RAB33A: variants seen among roughly 807,000 people sequenced by gnomAD.
RAB33A encodes the protein RAB33A, member RAS oncogene family.
In RAB33A, 6 loss-of-function variants were observed where a neutral mutation model predicts 12.0. The ratio of observed to expected loss-of-function variants is 0.50; its 90% CI spans 0.27 to 0.99. RAB33A has a LOEUF of 0.99. Among genes scored for constraint, RAB33A ranks in the 50% least tolerant of loss-of-function variants. RAB33A has a pLI of 0.11. For synonymous variants in RAB33A, 70 were observed against 82.4 expected, an observed-to-expected ratio of 0.85 and a Z score of 0.81; for missense variants, 109 against 192.0, an observed-to-expected ratio of 0.57 and a Z score of 2.55.
At chrX:130,154,541 A>G in the RAB33A span, among the ~76,000 whole-genome samples, 1 of 112,382 alleles carries the variant, frequency 8.9e-6, no homozygotes, top group Admixed American at 9.5e-5. Context: ...GTTAGCTTGT[A>G]CCGCTTCAGC....
upstream of RAB33A, among the ~76,000 whole-genome samples, chrX:130,168,238 G>A (rs1400861019): frequency 7.8e-5 from 8 of 102,171 alleles, no homozygotes; most frequent in African/African-American, 1.8e-4. Context: ...TTCTTGAGAC[G>A]GAGTCTCCCT....
At chrX:130,138,794 G>T in the RAB33A span, 1 of 609,611 alleles carries the variant, frequency 1.6e-6, no homozygotes, top group Non-Finnish European at 2.8e-6. Context: ...TTTGGCAAAA[G>T]TAAATTTTCT....
At chrX:130,178,238 C>T (rs1444571114) in intron 1 of RAB33A, among the ~76,000 whole-genome samples, 3 of 110,203 alleles carry the variant, frequency 2.7e-5, no homozygotes, top group South Asian at 3.9e-4. Context: ...GGATTGCTTG[C>T]GCCTAGGAGG....
At chrX:130,116,098 C>CCTTT in the RAB33A span, among the ~76,000 whole-genome samples, 2 of 89,351 alleles carry the variant, frequency 2.2e-5, no homozygotes, top group Non-Finnish European at 4.2e-5. Context: ...CACCCCAGGT[C>CCTTT]CTTTTTTTTT....
At chrX:130,165,951 G>A in the RAB33A span, 5 of 367,589 alleles carry the variant, frequency 1.4e-5, no homozygotes, top group African/African-American at 2.6e-5. Context: ...TCGCAAAGAC[G>A]CTGGCTCTAG....
chrX:130,129,457 C>T, the RAB33A span: 1 of 663,651 alleles, frequency 1.5e-6, no homozygotes, highest in Non-Finnish European at 2.5e-6. Flanking sequence ...ATCATTCACA[C>T]TCATACACAG....
the RAB33A span, chrX:130,139,716 C>T: frequency 2.6e-3 from 2,502 of 976,332 alleles, 6 homozygotes; most frequent in Middle Eastern, 0.012. Context: ...TCCCAAGTCC[C>T]GGGTGGGCAC....
chrX:130,180,484 T>G (rs1314911030), intron 1 of RAB33A, among the ~76,000 whole-genome samples: 2 of 110,872 alleles, frequency 1.8e-5, no homozygotes, highest in Non-Finnish European at 3.8e-5. Context: ...AGATGGAGTT[T>G]AGCTCTGTTG....
chrX:130,182,170 A>ATG (rs2031735553), intron 1 of RAB33A, among the ~76,000 whole-genome samples: 1 of 58,481 alleles, frequency 1.7e-5, no homozygotes, highest in Admixed American at 1.9e-4. Context: ...ATATATATAT[A>ATG]TATATATATA....
chrX:130,120,666 G>A, the RAB33A span, among the ~76,000 whole-genome samples: 10 of 112,435 alleles, frequency 8.9e-5, no homozygotes, highest in South Asian at 1.1e-3. Context: ...GGGGCGCTCG[G>A]CCGCGGGGCT....
At chrX:130,115,379 G>A in the RAB33A span, among the ~76,000 whole-genome samples, 31 of 112,012 alleles carry the variant, frequency 2.8e-4, no homozygotes, top group Non-Finnish European at 5.4e-4. Flanking sequence ...TTGGGAAGCC[G>A]AGGCAGATGA....
At chrX:130,144,910 T>C in the RAB33A span, among the ~76,000 whole-genome samples, 1 of 111,933 alleles carries the variant, frequency 8.9e-6, no homozygotes, top group Admixed American at 9.5e-5. Context: ...TCCTTCCACT[T>C]ATGCTGTGTA....
the RAB33A span, among the ~76,000 whole-genome samples, chrX:130,151,442 T>C: frequency 9.0e-6 from 1 of 111,217 alleles, no homozygotes; most frequent in African/African-American, 3.3e-5. Context: ...CCCGGCCCCA[T>C]AAAACATATT....
the RAB33A span, among the ~76,000 whole-genome samples, chrX:130,156,968 GC>G: frequency 9.0e-6 from 1 of 111,547 alleles, no homozygotes; most frequent in African/African-American, 3.3e-5. Context: ...TTAACCATGG[GC>G]TACCTGGGAC....
chrX:130,164,956 T>G, the RAB33A span, among the ~76,000 whole-genome samples: 203 of 109,828 alleles, frequency 1.8e-3, no homozygotes, highest in African/African-American at 6.1e-3. Flanking sequence ...CTGCAAACTG[T>G]TTCTTTGAAG....
chrX:130,122,119 T>C, the RAB33A span, among the ~76,000 whole-genome samples: 1 of 111,134 alleles, frequency 9.0e-6, no homozygotes, highest in Non-Finnish European at 1.9e-5. Flanking sequence ...GGCCCAGGAG[T>C]CCGGGTTTTC....
At chrX:130,165,352 A>C in the RAB33A span, among the ~76,000 whole-genome samples, 1 of 111,888 alleles carries the variant, frequency 8.9e-6, no homozygotes, top group South Asian at 3.7e-4. Flanking sequence ...CTGGGTTCAA[A>C]TCTCTTGAAG....
chrX:130,168,858 C>T (rs1319649459), upstream of RAB33A, among the ~76,000 whole-genome samples: 1 of 110,752 alleles, frequency 9.0e-6, no homozygotes, highest in Non-Finnish European at 1.9e-5. Context: ...GTAATCCCAG[C>T]ACTTTGGGAG....
the RAB33A span, among the ~76,000 whole-genome samples, chrX:130,133,086 T>G: frequency 9.0e-6 from 1 of 111,642 alleles, no homozygotes; most frequent in African/African-American, 3.3e-5. Flanking sequence ...TTAAAATAAT[T>G]TTTTTCTCTT....
Sources: gnomAD v4.1 joint callset for allele counts (sites outside exome capture counted in the v4.1 genomes callset) on GRCh38, gnomAD v4.1.1 for gene constraint, MANE v1.5 for transcripts, NCBI Gene and HGNC (gene_info 2026-07-23, HGNC 2026-07-21) for gene names.